The following FAT3 variants were observed in gnomAD, a reference collection of about 807,000 sequenced individuals.
The protein encoded by FAT3 is protocadherin Fat 3.
FAT3 carries 95 observed loss-of-function variants against 310.2 expected under a neutral mutation model. That is an observed-to-expected ratio of 0.31 (90% CI 0.26 to 0.36). The LOEUF (loss-of-function observed/expected upper bound fraction) is 0.36, where lower values mean the gene tolerates loss of function less well. FAT3 is among the 10% of genes least tolerant of loss of function. The pLI is 1.00. For synonymous variants in FAT3, 2,314 were observed against 2,192.9 expected (o/e 1.06, Z -1.54); for missense variants, 5,408 against 5,715.6 (o/e 0.95, Z 1.74).
chr11:92,473,333 G>A (rs1016293358), intron 2 of FAT3, among the ~76,000 whole-genome samples: 2 of 93,958 alleles, frequency 2.1e-5, no homozygotes, highest in Non-Finnish European at 4.3e-5. Flanking sequence ...GTGGGGTTGT[G>A]CAGAGAGAGA....
rs986675708 is a variant in FAT3 at position 92,473,451 on chromosome 11, G to A, written c.3293-51183G>A. On this transcript the variant is annotated intron_variant, in intron 2 of 27. Coordinates refer to ENST00000525166, the MANE Select transcript of FAT3 (RefSeq NM_001367949.2). ...TTTTCTTTGAGACCCTTTTTTAGTT[G>A]ATTACAATTATTTTGAAATTTTATC... 2.0e-5 allele frequency among the ~76,000 whole-genome samples: 3 copies of A among 151,872 alleles called. No homozygotes were observed. The South Asian group carries it at 6.2e-4, about 32-fold the overall frequency.
At chr11:92,349,481 G>A (rs1407750773) in intron 1 of FAT3, among the ~76,000 whole-genome samples, 1 of 152,226 alleles carries the variant, frequency 6.6e-6, no homozygotes, top group East Asian at 1.9e-4. Context: ...CTACAAAGTA[G>A]ACACCCCAAT....
At chr11:92,359,002 G>C (rs1443624277) in intron 2 of FAT3, among the ~76,000 whole-genome samples, 1 of 152,104 alleles carries the variant, frequency 6.6e-6, no homozygotes, top group Non-Finnish European at 1.5e-5. Context: ...GCATTGGTTA[G>C]CAGCTCTCAA....
At chr11:92,604,360 G>A (rs186244410) in intron 3 of FAT3, among the ~76,000 whole-genome samples, 102 of 152,242 alleles carry the variant, frequency 6.7e-4, no homozygotes, top group Admixed American at 3.5e-3. Flanking sequence ...TATTTAATTA[G>A]TCCTTACTTC....
In FAT3 at chr11:92,752,108, T is replaced by G. The variant is rs551375279; in HGVS notation, c.3670-9748T>G. ...TCTGTTAAGGGCACTTAACAGACTTTGTGGGCCATACAGTCTCAGCCTCAA... is the reference window on the plus strand; with the variant it reads ...TCTGTTAAGGGCACTTAACAGACTTGGTGGGCCATACAGTCTCAGCCTCAA... On this transcript the variant is annotated intron_variant, in intron 4 of 27. Transcript: ENST00000525166. Among the ~76,000 whole-genome samples the G allele has an allele frequency of 3.9e-5, 6 of 152,356 alleles. No individual in the cohort carries two copies. In the East Asian group the frequency reaches 1.2e-3, roughly 29 times the overall value.
chr11:92,587,242 G>A (rs1939203198), intron 3 of FAT3, among the ~76,000 whole-genome samples: 1 of 151,900 alleles, frequency 6.6e-6, no homozygotes, highest in Non-Finnish European at 1.5e-5. Flanking sequence ...AGAAAGAGAG[G>A]TATTTAATCA....
intron 7 of FAT3, among the ~76,000 whole-genome samples, chr11:92,781,057 TTTTTTC>T (rs1197126741): frequency 6.7e-6 from 1 of 149,174 alleles, no homozygotes; most frequent in Non-Finnish European, 1.5e-5. Context: ...TAAGGTTCTT[TTTTTTC>T]TTTTCTTTAT....
intron 1 of FAT3, among the ~76,000 whole-genome samples, chr11:92,293,299 G>C (rs1018995199): frequency 4.6e-5 from 7 of 151,412 alleles, no homozygotes; most frequent in Middle Eastern, 3.2e-3. Flanking sequence ...TCTGCTGGGG[G>C]TAGGGGCTTT....
chr11:92,654,450 A>T (rs754922382), intron 3 of FAT3, among the ~76,000 whole-genome samples: 79 of 152,158 alleles, frequency 5.2e-4, no homozygotes, highest in Non-Finnish European at 9.8e-4. Flanking sequence ...TACCTGTATT[A>T]CCAAAACCTG....
chr11:92,321,742 TGAGTG>T (rs1947625933), intron 1 of FAT3, among the ~76,000 whole-genome samples: 1 of 152,310 alleles, frequency 6.6e-6, no homozygotes, highest in South Asian at 2.1e-4. Context: ...AGCTGTATCT[TGAGTG>T]GAGATAATAA....
chr11:92,601,228 A>G (rs968024933), intron 3 of FAT3, among the ~76,000 whole-genome samples: 2 of 152,052 alleles, frequency 1.3e-5, no homozygotes, highest in African/African-American at 4.8e-5. Context: ...GAGAGTAAAA[A>G]CAGGCAAAAA....
In FAT3 at chr11:92,355,186, C is replaced by G; in HGVS notation, c.3074C>G (p.Ser1025Cys). 6.2e-7 allele frequency: 1 copy of G among 1,613,746 alleles called. No homozygotes were observed. ...KGRPVSLSSV[S>C]FVEVEVVDVN... ...CGGCCTGTCTCTCTGTCATCTGTTT[C>G]CTTTGTTGAGGTGGAAGTGGTGGAT... Residue 1025 changes from serine (S) to cysteine (C), a missense_variant, in exon 2 of 28, where the codon TCC becomes TGC. Physicochemically the swap from Ser to Cys is moderately radical, Grantham distance 112. Coordinates refer to ENST00000525166, the MANE Select transcript of FAT3 (RefSeq NM_001367949.2).
At chr11:92,704,307 G>A (rs1339049348) in intron 4 of FAT3, among the ~76,000 whole-genome samples, 1 of 152,154 alleles carries the variant, frequency 6.6e-6, no homozygotes, top group African/African-American at 2.4e-5. Flanking sequence ...CTGCTGGGCT[G>A]TGCCCTGAGC....
intron 3 of FAT3, among the ~76,000 whole-genome samples, chr11:92,603,671 A>C (rs1273977114): frequency 1.3e-5 from 2 of 152,338 alleles, no homozygotes; most frequent in East Asian, 3.9e-4. Flanking sequence ...GGATGGTCAC[A>C]ACACTTAATA....
At chr11:92,410,692 A>T (rs1950237480) in intron 2 of FAT3, among the ~76,000 whole-genome samples, 1 of 152,222 alleles carries the variant, frequency 6.6e-6, no homozygotes, top group African/African-American at 2.4e-5. Flanking sequence ...ATAATTTTCC[A>T]GATCAGTTTC....
intron 2 of FAT3, among the ~76,000 whole-genome samples, chr11:92,460,054 A>G (rs1951595245): frequency 6.6e-6 from 1 of 152,036 alleles, no homozygotes; most frequent in Admixed American, 6.6e-5. Context: ...AGCCAGCTTT[A>G]AAAAGCAGCT....
chr11:92,791,505 ATTCT>A (rs1194524946), intron 8 of FAT3, among the ~76,000 whole-genome samples: 2 of 152,198 alleles, frequency 1.3e-5, no homozygotes, highest in Admixed American at 6.5e-5. Context: ...ATTTCTGTTC[ATTCT>A]TTCTTTAACA....
At chr11:92,455,161 C>T (rs890086213) in intron 2 of FAT3, among the ~76,000 whole-genome samples, 4 of 152,184 alleles carry the variant, frequency 2.6e-5, no homozygotes, top group Non-Finnish European at 4.4e-5. Context: ...ATATTTTTGA[C>T]ACTAGAATGG....
chr11:92,397,243 T>A (rs1425898037), intron 2 of FAT3, among the ~76,000 whole-genome samples: 2 of 152,046 alleles, frequency 1.3e-5, no homozygotes, highest in East Asian at 3.9e-4. Flanking sequence ...TTGGGGGGAG[T>A]TGGGCACTAA....
Sources: allele counts gnomAD v4.1 joint callset (sites outside exome capture counted in the v4.1 genomes callset), GRCh38; gene constraint gnomAD v4.1.1; transcripts MANE v1.5; gene names NCBI Gene and HGNC (gene_info 2026-07-23, HGNC 2026-07-21).